SMG1: variants seen among roughly 807,000 people sequenced by gnomAD.
The protein encoded by SMG1 is serine/threonine-protein kinase SMG1.
In SMG1, 22 loss-of-function variants were observed where a neutral mutation model predicts 419.9. The observed-to-expected ratio is 0.05, with a 90% CI of 0.04 to 0.07. The LOEUF is 0.07. SMG1 is among the 10% of genes least tolerant of loss of function. SMG1 has a pLI of 1.00. For synonymous variants in SMG1, 1,538 were observed against 1,553.5 expected, an observed-to-expected ratio of 0.99 and a Z score of 0.23; for missense variants, 3,185 against 4,342.0, an observed-to-expected ratio of 0.73 and a Z score of 7.49.
rs1596644233 is a variant in SMG1, at chr16:18,908,127, A to G, written c.93-11171T>C. On this transcript the variant is annotated intron_variant, in intron 1 of 62. Transcript: ENST00000446231. ...ACTCCTGTAATCCCAGCTGTTTGGG[A>G]GCCTGAGGCAGGCAGATTACCTGAG... is the stretch of plus-strand genomic sequence containing the variant. 4.6e-5 allele frequency among the ~76,000 whole-genome samples: 7 copies of G among 152,188 alleles called. No individual in the cohort carries two copies. The South Asian group carries it at 1.5e-3, about 32-fold the overall frequency.
Position 18,903,620 on chromosome 16 carries a change from G to A in SMG1, c.93-6664C>T, listed in dbSNP as rs115583536. 6.2e-3 allele frequency among the ~76,000 whole-genome samples: 943 copies of A among 152,280 alleles called. 5 individuals are homozygous for A. Among genetic ancestry groups the A allele is most frequent in the African/African-American group, 0.021 (859 of 41,556 alleles). ...CAACTGATCCAAGCAGTTTACATAC[G>A]TTTATCATGTCATTTCATGTTCAAC... On this transcript the variant is annotated intron_variant, in intron 1 of 62. Coordinates refer to ENST00000446231, the MANE Select transcript of SMG1 (RefSeq NM_015092.5).
At chr16:18,911,122 G>A (rs1399486666) in intron 1 of SMG1, among the ~76,000 whole-genome samples, 1 of 152,124 alleles carries the variant, frequency 6.6e-6, no homozygotes, top group African/African-American at 2.4e-5. Flanking sequence ...TACAAGATAT[G>A]GAGAAAAAAT....
intron 42 of SMG1, 84 bp from the exon 43 acceptor site, chr16:18,838,773 A>G (rs1596493810): frequency 4.6e-6 from 4 of 877,260 alleles, no homozygotes; most frequent in South Asian, 3.3e-5. Context: ...TAAAATTTAC[A>G]AAGCACCATT....
At chr16:18,920,283 G>C (rs1466163163) in intron 1 of SMG1, among the ~76,000 whole-genome samples, 1 of 151,610 alleles carries the variant, frequency 6.6e-6, no homozygotes, top group Non-Finnish European at 1.5e-5. Flanking sequence ...TTAGGAGGCT[G>C]AGACAGGAAA....
intron 1 of SMG1, among the ~76,000 whole-genome samples, chr16:18,909,800 A>G (rs1157186736): frequency 8.5e-5 from 13 of 152,238 alleles, no homozygotes; most frequent in Non-Finnish European, 1.8e-4. Context: ...GCTCAGCAGT[A>G]GCCAGAAATT....
At chr16:18,818,134 G>A (rs34366611) in intron 56 of SMG1, among the ~76,000 whole-genome samples, 46,715 of 151,392 alleles carry the variant, frequency 0.31, 7,944 homozygotes, top group Non-Finnish European at 0.39. Flanking sequence ...TGTAATCCCA[G>A]CACTTTGGGA....
Position 18,849,370 on chromosome 16 carries a change from G to T in SMG1, c.5470C>A (p.Pro1824Thr). ...TGGTTTAAGCGTGAGAAAAGTTGCG[G>T]AATAATTCCTTCAGGACAAGAAGAG... is the stretch of plus-strand genomic sequence containing the variant. ...TPTAPWRGII[P>T]QLFSRLNHPE... Residue 1824 changes from proline to threonine, a missense_variant, in exon 36 of 63, where the codon CCG (proline) becomes ACG (threonine). Pro to Thr is a conservative substitution (Grantham distance 38). Around this residue, in one of 27 missense-constraint regions of SMG1, gnomAD observed 11 missense variants for 35.5 expected, o/e 0.31. Transcript: ENST00000446231. 1 of 1,610,366 alleles carries T rather than the reference G, an allele frequency of 6.2e-7. No individual in the cohort carries two copies. The highest frequency in any genetic ancestry group is 8.5e-7 in the Non-Finnish European group (1 of 1,177,692).
rs756904920 is a variant in SMG1 at position 18,871,502 on chromosome 16, G to A, written c.2184-20C>T. 25 of 1,384,284 alleles carry A rather than the reference G, an allele frequency of 1.8e-5. No homozygotes were observed. Among genetic ancestry groups the A allele is most frequent in the Non-Finnish European group, 2.4e-5 (24 of 1,011,544 alleles). 85.8% of individuals were successfully genotyped at this position (1,384,284 alleles called of 1,614,324 possible). A position where few individuals can be genotyped will look rare whatever the true frequency, so the allele number is the denominator to read the frequency against. On this transcript the variant is annotated intron_variant, in intron 15 of 62. Coordinates refer to ENST00000446231, the MANE Select transcript of SMG1 (RefSeq NM_015092.5). ...AGTTTCCTGAAACACAAAATATACA[G>A]TTGACTGTACATTAAAAAAAACAAA...
chr16:18,827,732 CA>C (rs1156962683), intron 55 of SMG1, among the ~76,000 whole-genome samples: 1 of 132,640 alleles, frequency 7.5e-6, no homozygotes, highest in East Asian at 2.2e-4. Flanking sequence ...ATAAATATAC[CA>C]AAATATATAT....
Position 18,841,397 on chromosome 16 carries a change from CAAAAAA to C in SMG1, c.6696+162_6696+167del. Among the ~76,000 whole-genome samples, 2 of 105,368 alleles carry C rather than the reference CAAAAAA, an allele frequency of 1.9e-5. 1 individual carries two copies. 69.1% of individuals were successfully genotyped at this position (105,368 alleles called of 152,430 possible). A position where few individuals can be genotyped will look rare whatever the true frequency, so the allele number is the denominator to read the frequency against. The stretch of plus-strand genomic sequence containing the variant: ...TGGGCGACAGAGCAAGACTGTGTCT[CAAAAAA>C]AAAAAAAAAAAAAAAGTACCTCAAA... On this transcript the variant is annotated intron_variant, in intron 41 of 62. Coordinates refer to ENST00000446231, the MANE Select transcript of SMG1 (RefSeq NM_015092.5).
In SMG1 at chr16:18,812,041, A is replaced by G; in HGVS notation, c.10708T>C (p.Ser3570Pro). The stretch of plus-strand genomic sequence containing the variant: ...ACGGTGCTTGGTGGAGTATCAGCTG[A>G]TGTAGCAAGATTTTTTTGGATCAGC... ...RKLIQKNLAT[S>P]ADTPPSTVPG... The change falls in exon 61 of 63, where the codon TCA (serine) becomes CCA (proline). Residue 3570 changes from serine (S) to proline (P), a missense_variant. By Grantham distance (74) the Ser-to-Pro change is moderately conservative. Coordinates refer to ENST00000446231, the MANE Select transcript of SMG1 (RefSeq NM_015092.5). 6.2e-7 allele frequency: 1 copy of G among 1,613,938 alleles called. No homozygotes were observed. The highest frequency in any genetic ancestry group is 8.5e-7 in the Non-Finnish European group (1 of 1,179,874).
rs1321628114 is a variant in SMG1, at chr16:18,859,657, T to C, written c.3852A>G (p.Glu1284=). Residue 1284 remains glutamate (E), a synonymous_variant, in exon 27 of 63, where the codon GAA becomes GAG. Transcript: ENST00000446231. ...ATTGAACTTCAATGGATTTCTGAAGTTCCCTCGGATCCGGACTTAACATGT... is the reference window on the plus strand; with the variant it reads ...ATTGAACTTCAATGGATTTCTGAAGCTCCCTCGGATCCGGACTTAACATGT... The part of the protein sequence containing the change: ...LPNMLSPDPR[E]LQKSIEVQLL... The C allele has an allele frequency of 1.2e-6, 2 of 1,613,552 alleles. No homozygotes were observed. Among genetic ancestry groups the C allele is most frequent in the Non-Finnish European group, 1.7e-6 (2 of 1,179,666 alleles).
At chr16:18,917,581 C>T (rs1029882481) in intron 1 of SMG1, among the ~76,000 whole-genome samples, 1 of 151,510 alleles carries the variant, frequency 6.6e-6, no homozygotes, top group Admixed American at 6.6e-5. Context: ...AACACACACA[C>T]TCCATTTTTT....
chr16:18,852,243 C>T (rs750879808), intron 32 of SMG1, 38 bp from the exon 33 acceptor site: 2 of 1,606,346 alleles, frequency 1.2e-6, no homozygotes, highest in Non-Finnish European at 1.7e-6. Flanking sequence ...TTCAGCTACC[C>T]AAACTTTACC....
At chr16:18,828,558 A>C (rs560380963) in intron 54 of SMG1, among the ~76,000 whole-genome samples, 3 of 152,362 alleles carry the variant, frequency 2.0e-5, no homozygotes, top group African/African-American at 7.2e-5. Context: ...ATTAAGGCCA[A>C]AACTAGGCTT....
In SMG1 at chr16:18,829,571, C is replaced by T. The variant is rs988044084; in HGVS notation, c.9318G>A (p.Leu3106=). Residue 3106 remains leucine (L), a synonymous_variant, in exon 54 of 63, where the codon CTG becomes CTA. Coordinates refer to ENST00000446231, the MANE Select transcript of SMG1 (RefSeq NM_015092.5). ...GLPNQALGLT[L]CSFISALGVD... ...CACCCAGAGCACTGATAAAACTGCACAGTGTGAGTCCGAGGGCTTGGTTGG... is the reference window on the plus strand; with the variant it reads ...CACCCAGAGCACTGATAAAACTGCATAGTGTGAGTCCGAGGGCTTGGTTGG... The T allele has an allele frequency of 6.2e-7, 1 of 1,613,920 alleles. No individual in the cohort carries two copies. Among genetic ancestry groups the T allele is most frequent in the African/African-American group, 1.3e-5 (1 of 74,934 alleles).
intron 1 of SMG1, chr16:18,925,311 A>G: frequency 6.6e-6 from 1 of 152,236 alleles, no homozygotes; most frequent in East Asian, 1.9e-4. Context: ...GTGTCCAGGT[A>G]TGAATTACGA....
In SMG1 at chr16:18,805,317, T is replaced by G. The variant is rs1421362189; in HGVS notation, c.*4252A>C. On this transcript the variant is annotated 3_prime_UTR_variant, in exon 63 of 63. Coordinates refer to ENST00000446231, the MANE Select transcript of SMG1 (RefSeq NM_015092.5). ...TTTTCAAAGAAAAACATTCTAAAAG[T>G]GTGCATTTCAGAACATAGAATTCTT... 2.0e-5 allele frequency: 3 copies of G among 152,194 alleles called. No individual in the cohort carries two copies. The highest frequency in any genetic ancestry group is 4.4e-5 in the Non-Finnish European group (3 of 68,010). 9.4% of individuals were successfully genotyped at this position (152,194 alleles called of 1,614,324 possible).
intron 1 of SMG1, among the ~76,000 whole-genome samples, chr16:18,907,578 A>C (rs2037613345): frequency 6.6e-6 from 1 of 152,054 alleles, no homozygotes; most frequent in Non-Finnish European, 1.5e-5. Flanking sequence ...CGCTGGGCAC[A>C]GTGGCTCTCG....
Sources: allele counts gnomAD v4.1 joint callset (sites outside exome capture counted in the v4.1 genomes callset), GRCh38; gene constraint gnomAD v4.1.1; regional missense constraint gnomAD v4.1.1; transcripts MANE v1.5; gene names NCBI Gene and HGNC (gene_info 2026-07-23, HGNC 2026-07-21).